Variants in PGAP4 observed in about 807,000 individuals in gnomAD.
The protein encoded by PGAP4 is GPI-N-acetylgalactosamine transferase PGAP4.
A neutral mutation model predicts 28.2 loss-of-function variants in PGAP4; 12 were observed. The ratio of observed to expected loss-of-function variants is 0.42; its 90% confidence interval spans 0.27 to 0.69. The LOEUF (loss-of-function observed/expected upper bound fraction) is 0.69. Ranked by LOEUF, PGAP4 falls within the 30% of genes least tolerant of loss-of-function variation. The probability of loss-of-function intolerance (pLI) is 0.22; values close to 1 mark genes in which losing one functional copy is unlikely to be tolerated. For missense variants in PGAP4, 425 were observed against 513.5 expected (o/e 0.83, Z 1.67); for synonymous variants, 205 against 211.8 (o/e 0.97, Z 0.28).
intron 2 of PGAP4, among the ~76,000 whole-genome samples, chr9:101,525,188 A>C (rs1267963277): frequency 1.3e-5 from 2 of 152,228 alleles, no homozygotes; most frequent in African/African-American, 4.8e-5. Flanking sequence ...GAAATCTCCA[A>C]ACTGCTTTCT....
Position 101,473,909 on chromosome 9 carries a change from A to G in PGAP4, c.*1972T>C, listed in dbSNP as rs1195590522. The G allele has an allele frequency of 6.6e-6, 1 of 152,224 alleles. No individual in the cohort carries two copies. The highest frequency in any genetic ancestry group is 1.5e-5 in the Non-Finnish European group (1 of 68,064). 9.4% of individuals were successfully genotyped at this position (152,224 alleles called of 1,614,324 possible). A position where few individuals can be genotyped will look rare whatever the true frequency, so the allele number is the denominator to read the frequency against. On this transcript the variant is annotated 3_prime_UTR_variant, in exon 2 of 2. Coordinates refer to ENST00000374848, the MANE Select transcript of PGAP4 (RefSeq NM_032342.3). The stretch of plus-strand genomic sequence containing the variant: ...ATCTGAACATTGTAATAAGTCATCT[A>G]GTAGCTCTGATCACTTTGGACATTG...
chr9:101,484,066 A>G (rs936492837), intron 1 of PGAP4, among the ~76,000 whole-genome samples: 7 of 152,262 alleles, frequency 4.6e-5, no homozygotes, highest in African/African-American at 1.7e-4. Flanking sequence ...AAAATTTTAT[A>G]AGTGCATCCC....
chr9:101,506,334 T>C (rs1012754215), intron 2 of PGAP4, among the ~76,000 whole-genome samples: 1 of 152,094 alleles, frequency 6.6e-6, no homozygotes, highest in Non-Finnish European at 1.5e-5. Context: ...AAGATAGCCT[T>C]TCTCTTGGAA....
intron 1 of PGAP4, among the ~76,000 whole-genome samples, chr9:101,482,192 A>C (rs1401462644): frequency 6.6e-6 from 1 of 152,254 alleles, no homozygotes; most frequent in Non-Finnish European, 1.5e-5. Context: ...TCACACCGGT[A>C]ATCCCACCAC....
At chr9:101,483,049 T>A (rs538590270) in intron 1 of PGAP4, among the ~76,000 whole-genome samples, 1 of 152,366 alleles carries the variant, frequency 6.6e-6, no homozygotes, top group Non-Finnish European at 1.5e-5. Flanking sequence ...CATGTTTTTC[T>A]ATGATGCCTG....
rs531251519 is a variant in PGAP4, at chr9:101,520,194, G to C, written c.-165+11154C>G. Among the ~76,000 whole-genome samples, 5 of 152,202 alleles carry C rather than the reference G, an allele frequency of 3.3e-5. No individual in the cohort carries two copies. The East Asian group carries it at 9.7e-4, about 29-fold the overall frequency. ...ACTTAGTCTTGCTTTGGCTATACAA[G>C]CTCCTTTTTGGTTCCATATGAATTT... On this transcript the variant is annotated intron_variant, in intron 2 of 3. Transcript: ENST00000374851.
chr9:101,523,519 A>C (rs189984708), intron 2 of PGAP4, among the ~76,000 whole-genome samples: 11 of 146,772 alleles, frequency 7.5e-5, no homozygotes, highest in Admixed American at 3.4e-4. Context: ...TGAGCATTTC[A>C]CATTTCTAAA....
intron 2 of PGAP4, among the ~76,000 whole-genome samples, chr9:101,517,780 C>T (rs900029840): frequency 5.3e-5 from 8 of 152,234 alleles, no homozygotes; most frequent in Non-Finnish European, 7.4e-5. Context: ...GTGACTTCCA[C>T]GGAAGCTTAA....
upstream of PGAP4, among the ~76,000 whole-genome samples, chr9:101,489,632 C>T (rs1826668762): frequency 6.6e-6 from 1 of 152,130 alleles, no homozygotes; most frequent in Non-Finnish European, 1.5e-5. Context: ...TAGCATAACT[C>T]TACTTTCTTC....
At chr9:101,520,613 T>A (rs768524294) in intron 2 of PGAP4, among the ~76,000 whole-genome samples, 7 of 152,184 alleles carry the variant, frequency 4.6e-5, no homozygotes, top group African/African-American at 1.7e-4. Flanking sequence ...CTAGGAGCTT[T>A]CTGGAGAAGT....
intron 2 of PGAP4, among the ~76,000 whole-genome samples, chr9:101,515,417 G>T (rs534170061): frequency 3.3e-5 from 5 of 152,124 alleles, no homozygotes; most frequent in Admixed American, 1.3e-4. Context: ...AGACCCTTTT[G>T]CCATATAAGG....
Position 101,476,802 on chromosome 9 carries a change from G to C in PGAP4, c.291C>G (p.Thr97=), listed in dbSNP as rs143609172. The C allele has an allele frequency of 6.2e-6, 10 of 1,611,290 alleles. No homozygotes were observed. Among genetic ancestry groups the C allele is most frequent in the Non-Finnish European group, 8.5e-6 (10 of 1,178,498 alleles). ...TGGTGATCACCAGCCAGGGCCGGGG[G>C]GTGGCCTGCCAGACAATGGGCACTG... ...NGSVPIVWQA[T]PRPWLVITII... The change falls in exon 2 of 2, where the codon ACC becomes ACG. Residue 97 remains threonine, a synonymous_variant. Coordinates refer to ENST00000374848, the MANE Select transcript of PGAP4 (RefSeq NM_032342.3). The surrounding 1 kb of genome is among the most constrained non-coding windows in gnomAD (Gnocchi z 7.0).
intron 2 of PGAP4, among the ~76,000 whole-genome samples, chr9:101,513,513 C>T (rs1392478904): frequency 6.6e-6 from 1 of 152,174 alleles, no homozygotes; most frequent in African/African-American, 2.4e-5. Flanking sequence ...ACAAGGACAT[C>T]ACCTCCCACA....
chr9:101,514,780 C>T (rs1254805778), intron 2 of PGAP4, among the ~76,000 whole-genome samples: 1 of 152,142 alleles, frequency 6.6e-6, no homozygotes, highest in Non-Finnish European at 1.5e-5. Context: ...AGGTTTGAGT[C>T]ACTGATCAGA....
intron 2 of PGAP4, among the ~76,000 whole-genome samples, chr9:101,498,172 G>C (rs905367131): frequency 6.6e-6 from 1 of 151,716 alleles, no homozygotes; most frequent in African/African-American, 2.4e-5. Flanking sequence ...TTTAATGTTT[G>C]CATTGTGGTG....
At chr9:101,497,422 G>C (rs192872970) in intron 2 of PGAP4, among the ~76,000 whole-genome samples, 94 of 151,722 alleles carry the variant, frequency 6.2e-4, no homozygotes, top group African/African-American at 2.1e-3. Context: ...TAACTTGGAA[G>C]AGTTAGCTGT....
chr9:101,533,440 G>T (rs1378647514), exon 1 of PGAP4: 3 of 152,242 alleles, frequency 2.0e-5, no homozygotes, highest in Admixed American at 6.5e-5. Context: ...AGCACGTAGG[G>T]GTACCAACGA....
chr9:101,532,919 T>A (rs28729137), exon 1 of PGAP4: 1 of 152,190 alleles, frequency 6.6e-6, no homozygotes, highest in African/African-American at 2.4e-5. Flanking sequence ...TTCTATTTTT[T>A]AAAAAAGATA....
At chr9:101,502,092 G>A (rs376211270) in intron 2 of PGAP4, among the ~76,000 whole-genome samples, 1 of 151,990 alleles carries the variant, frequency 6.6e-6, no homozygotes, top group Non-Finnish European at 1.5e-5. Context: ...CACATCTCAG[G>A]GTAGGTCATT....
Sources: allele counts gnomAD v4.1 joint callset (sites outside exome capture counted in the v4.1 genomes callset), GRCh38; gene constraint gnomAD v4.1.1; non-coding constraint Gnocchi (gnomAD v3.1); transcripts MANE v1.5; gene names NCBI Gene and HGNC (gene_info 2026-07-23, HGNC 2026-07-21).